Variants in GABRB2 observed in about 807,000 individuals in gnomAD.
GABRB2 encodes gamma-aminobutyric acid type A receptor subunit beta2.
Under a neutral mutation model 54.7 loss-of-function variants are expected in GABRB2, and 16 were observed. The observed-to-expected ratio is 0.29, with a 90% confidence interval of 0.20 to 0.44. The LOEUF (loss-of-function observed/expected upper bound fraction) is 0.44. Ranked by LOEUF, GABRB2 falls within the 20% of genes least tolerant of loss-of-function variation. The pLI is 1.00. For synonymous variants in GABRB2, 244 were observed against 233.8 expected, an observed-to-expected ratio of 1.04 and a Z score of -0.40; for missense variants, 355 against 644.0, an observed-to-expected ratio of 0.55 and a Z score of 4.86.
intron 9 of GABRB2, among the ~76,000 whole-genome samples, chr5:161,308,118 C>A (rs1757754506): frequency 6.6e-6 from 1 of 152,130 alleles, no homozygotes; most frequent in Admixed American, 6.5e-5. Flanking sequence ...GCCTCGGCCT[C>A]ACAAAGTGCT....
chr5:161,322,400 T>C (rs1025674207), intron 9 of GABRB2, among the ~76,000 whole-genome samples: 9 of 152,138 alleles, frequency 5.9e-5, no homozygotes, highest in African/African-American at 2.2e-4. Context: ...CATACCCAGA[T>C]AATTTTTGTA....
Position 161,514,076 on chromosome 5 carries a change from C to T in GABRB2, c.237+31151G>A, listed in dbSNP as rs964093615. 5.9e-5 allele frequency among the ~76,000 whole-genome samples: 9 copies of T among 152,278 alleles called. No individual in the cohort carries two copies. The East Asian group carries it at 1.7e-3, about 29-fold the overall frequency. On this transcript the variant is annotated intron_variant, in intron 3 of 9. Transcript: ENST00000393959. ...TGTACTCTTCCCATGCCAAAAATAT[C>T]AGCTAAGTGTGATTTCATTCCAGAA...
At chr5:161,329,992 C>G (rs1429040811) in intron 8 of GABRB2, 1 of 152,142 alleles carries the variant, frequency 6.6e-6, no homozygotes, top group African/African-American at 2.4e-5. Context: ...TGGTGATTCT[C>G]AAATTTGGAT....
At chr5:161,378,849 G>A (rs926771308) in intron 5 of GABRB2, among the ~76,000 whole-genome samples, 2 of 152,162 alleles carry the variant, frequency 1.3e-5, no homozygotes, top group African/African-American at 4.8e-5. Context: ...AATGGAATCA[G>A]TTCCAGTGTA....
chr5:161,486,820 C>T (rs1336063583), intron 3 of GABRB2, among the ~76,000 whole-genome samples: 1 of 151,806 alleles, frequency 6.6e-6, no homozygotes, highest in Non-Finnish European at 1.5e-5. Context: ...TTTCCAAATG[C>T]CAGAAAGGTC....
intron 3 of GABRB2, among the ~76,000 whole-genome samples, chr5:161,527,873 C>T (rs1262427294): frequency 2.6e-5 from 4 of 151,266 alleles, no homozygotes; most frequent in Non-Finnish European, 4.4e-5. Flanking sequence ...AACTAGCACA[C>T]TTTTAAGGAA....
chr5:161,482,355 G>A (rs754894754), intron 3 of GABRB2, among the ~76,000 whole-genome samples: 10 of 152,070 alleles, frequency 6.6e-5, no homozygotes, highest in Non-Finnish European at 5.9e-5. Flanking sequence ...TTGATTGAAA[G>A]AATTCAGATA....
At chr5:161,396,356 T>G (rs2113061050) in intron 5 of GABRB2, among the ~76,000 whole-genome samples, 1 of 152,330 alleles carries the variant, frequency 6.6e-6, no homozygotes, top group Middle Eastern at 3.4e-3. Flanking sequence ...CAACTCCTAT[T>G]TGGCAATGGA....
At chr5:161,501,220 G>A (rs1039845502) in intron 3 of GABRB2, among the ~76,000 whole-genome samples, 24 of 151,876 alleles carry the variant, frequency 1.6e-4, no homozygotes, top group African/African-American at 3.9e-4. Context: ...AAAGAGCTAC[G>A]CGCATGTATG....
chr5:161,483,436 C>A (rs1758824570), intron 3 of GABRB2, among the ~76,000 whole-genome samples: 1 of 151,884 alleles, frequency 6.6e-6, no homozygotes, highest in Admixed American at 6.6e-5. Context: ...TAAGATGAAA[C>A]CAGGGGCAAG....
At chr5:161,367,172 C>A (rs1470979192) in intron 5 of GABRB2, among the ~76,000 whole-genome samples, 1 of 152,086 alleles carries the variant, frequency 6.6e-6, no homozygotes, top group African/African-American at 2.4e-5. Context: ...ATCTATAGTC[C>A]ATAAAAGTTT....
intron 9 of GABRB2, among the ~76,000 whole-genome samples, chr5:161,321,069 C>T (rs1024904574): frequency 2.0e-5 from 3 of 152,060 alleles, no homozygotes; most frequent in Admixed American, 1.3e-4. Flanking sequence ...AGATTTTGAT[C>T]TATATTTTCT....
chr5:161,431,217 CAA>C (rs1056153705), intron 4 of GABRB2, among the ~76,000 whole-genome samples: 4 of 152,092 alleles, frequency 2.6e-5, no homozygotes, highest in East Asian at 3.9e-4. Context: ...ATAATTCAAA[CAA>C]GAGGATATAT....
At chr5:161,303,375 C>A (rs967467103) in intron 9 of GABRB2, among the ~76,000 whole-genome samples, 14 of 152,070 alleles carry the variant, frequency 9.2e-5, no homozygotes, top group Non-Finnish European at 1.6e-4. Context: ...CACCTGAATG[C>A]CTATCTTCAC....
In GABRB2 at chr5:161,545,314, G is replaced by T; in HGVS notation, c.170-20C>A. ...GGGGACCTGCAAAGCAAGACGGCCA[G>T]CCACGTGATTTCTTTGAACTTCATT... is the stretch of plus-strand genomic sequence containing the variant. On this transcript the variant is annotated intron_variant, in intron 2 of 9. Transcript: ENST00000393959. 1 of 1,580,146 alleles carries T rather than the reference G, an allele frequency of 6.3e-7. No homozygotes were observed. Among genetic ancestry groups the T allele is most frequent in the Non-Finnish European group, 8.6e-7 (1 of 1,164,270 alleles).
At chr5:161,521,203 T>C (rs1760102194) in intron 3 of GABRB2, among the ~76,000 whole-genome samples, 1 of 151,950 alleles carries the variant, frequency 6.6e-6, no homozygotes, top group Non-Finnish European at 1.5e-5. Context: ...TTATTGGCTC[T>C]TTGAAGGAAT....
intron 9 of GABRB2, among the ~76,000 whole-genome samples, chr5:161,326,009 A>G (rs975608158): frequency 6.6e-5 from 10 of 152,108 alleles, no homozygotes; most frequent in African/African-American, 2.4e-4. Context: ...CACCTATTCA[A>G]TCCAAAGAGT....
At chr5:161,471,554 T>C (rs1349566560) in intron 3 of GABRB2, among the ~76,000 whole-genome samples, 1 of 152,028 alleles carries the variant, frequency 6.6e-6, no homozygotes, top group East Asian at 1.9e-4. Flanking sequence ...ATTATTTTCT[T>C]GTATGTGAAA....
At chr5:161,395,574 A>G (rs1755971562) in intron 5 of GABRB2, among the ~76,000 whole-genome samples, 5 of 152,224 alleles carry the variant, frequency 3.3e-5, no homozygotes, top group Admixed American at 3.3e-4. Flanking sequence ...GCAATTGTGC[A>G]AACTCCTGTG....
Sources: gnomAD v4.1 joint callset for allele counts (sites outside exome capture counted in the v4.1 genomes callset) on GRCh38, gnomAD v4.1.1 for gene constraint, MANE v1.5 for transcripts, NCBI Gene and HGNC (gene_info 2026-07-23, HGNC 2026-07-21) for gene names.